Variants in SLC4A10 observed in about 807,000 individuals in gnomAD.
The protein encoded by SLC4A10 is solute carrier family 4 member 10.
In SLC4A10, 42 loss-of-function variants were observed where a neutral mutation model predicts 137.7. The observed-to-expected ratio is 0.30, with a 90% CI of 0.24 to 0.39. SLC4A10 has a LOEUF of 0.39. SLC4A10 is among the 10% of genes least tolerant of loss of function. The probability of loss-of-function intolerance (pLI) is 1.00; values close to 1 mark genes in which losing one functional copy is unlikely to be tolerated. For synonymous variants in SLC4A10, 474 were observed against 464.1 expected (o/e 1.02, Z -0.27); for missense variants, 925 against 1,355.0 (o/e 0.68, Z 4.98).
At chr2:161,791,610 G>A (rs1033856639) in intron 2 of SLC4A10, among the ~76,000 whole-genome samples, 1 of 152,152 alleles carries the variant, frequency 6.6e-6, no homozygotes, top group African/African-American at 2.4e-5. Flanking sequence ...TATTGCCCTT[G>A]TACATCTGAA....
At chr2:161,907,749 T>G (rs1684792655) in intron 15 of SLC4A10, among the ~76,000 whole-genome samples, 1 of 152,218 alleles carries the variant, frequency 6.6e-6, no homozygotes, top group Non-Finnish European at 1.5e-5. Context: ...CAGGACTAGA[T>G]GCAAGAGATG....
intron 15 of SLC4A10, among the ~76,000 whole-genome samples, chr2:161,906,751 A>T (rs571644728): frequency 1.4e-4 from 22 of 152,284 alleles, no homozygotes; most frequent in African/African-American, 5.3e-4. Context: ...CAGAAGTTTA[A>T]ATTGTTGAAA....
At chr2:161,972,776 A>G (rs1019517242) in intron 23 of SLC4A10, among the ~76,000 whole-genome samples, 2 of 152,338 alleles carry the variant, frequency 1.3e-5, no homozygotes, top group Middle Eastern at 3.4e-3. Flanking sequence ...TAGGGTGGGC[A>G]CAGAGATTCT....
intron 1 of SLC4A10, among the ~76,000 whole-genome samples, chr2:161,747,366 CA>C (rs2125282493): frequency 6.6e-6 from 1 of 152,240 alleles, no homozygotes; most frequent in Admixed American, 6.5e-5. Context: ...CAAAGTCCCA[CA>C]ATCACTTTTC....
At chr2:161,689,219 G>A (rs1044773386) in intron 1 of SLC4A10, among the ~76,000 whole-genome samples, 1 of 152,028 alleles carries the variant, frequency 6.6e-6, no homozygotes, top group African/African-American at 2.4e-5. Context: ...TAAGTGTATC[G>A]TACGGTGTTT....
At chr2:161,859,913 A>G (rs1186202692) in intron 5 of SLC4A10, among the ~76,000 whole-genome samples, 1 of 151,980 alleles carries the variant, frequency 6.6e-6, no homozygotes, top group Non-Finnish European at 1.5e-5. Context: ...TATCACCCAG[A>G]TCCTGGGGCA....
intron 1 of SLC4A10, among the ~76,000 whole-genome samples, chr2:161,688,801 T>G (rs1355522360): frequency 1.3e-5 from 2 of 152,164 alleles, no homozygotes; most frequent in East Asian, 3.9e-4. Flanking sequence ...CGATTTTCTA[T>G]TATGGTCATG....
intron 1 of SLC4A10, among the ~76,000 whole-genome samples, chr2:161,643,430 G>T (rs951443700): frequency 1.3e-5 from 2 of 152,048 alleles, no homozygotes; most frequent in African/African-American, 4.8e-5. Flanking sequence ...GCCAATAAAT[G>T]CTTAGTATTT....
intron 1 of SLC4A10, among the ~76,000 whole-genome samples, chr2:161,742,843 T>C (rs1388602294): frequency 6.6e-6 from 1 of 152,224 alleles, no homozygotes; most frequent in Non-Finnish European, 1.5e-5. Context: ...TACTTTTGGT[T>C]TGCATTTGCA....
chr2:161,627,387 G>T (rs2032616797), intron 1 of SLC4A10, among the ~76,000 whole-genome samples: 1 of 152,046 alleles, frequency 6.6e-6, no homozygotes, highest in African/African-American at 2.4e-5. Context: ...AATTGGACAG[G>T]CATTAAAAGC....
chr2:161,873,920 T>G lies in SLC4A10; in HGVS notation c.863T>G (p.Leu288Arg). ...GTCTGTTAATTATGCGTGCAGGGACTGGGAGGCCAACAAAAGGGGCATACT... is the reference window on the plus strand; with the variant it reads ...GTCTGTTAATTATGCGTGCAGGGACGGGGAGGCCAACAAAAGGGGCATACT... ...ENSTVDFSKG[L>R]GGQQKGHTSP... Residue 288 changes from leucine to arginine, a missense_variant, in exon 8 of 27, where the codon CTG becomes CGG. Transcript: ENST00000446997. 1 of 1,593,334 alleles carries G rather than the reference T, an allele frequency of 6.3e-7. No individual in the cohort carries two copies. Among genetic ancestry groups the G allele is most frequent in the Non-Finnish European group, 8.5e-7 (1 of 1,177,484 alleles).
chr2:161,767,094 C>CATATATATATATAT (rs770704286), intron 1 of SLC4A10, among the ~76,000 whole-genome samples: 1 of 40,122 alleles, frequency 2.5e-5, no homozygotes, highest in Non-Finnish European at 5.1e-5. Flanking sequence ...AATTAAGAAG[C>CATATATATATATAT]ATATATATAT....
At chr2:161,859,923 A>T (rs1242395502) in intron 5 of SLC4A10, among the ~76,000 whole-genome samples, 1 of 152,192 alleles carries the variant, frequency 6.6e-6, no homozygotes, top group Non-Finnish European at 1.5e-5. Context: ...ATCCTGGGGC[A>T]GAATAGACTG....
At chr2:161,790,311 C>T (rs2054063218) in intron 2 of SLC4A10, among the ~76,000 whole-genome samples, 1 of 152,092 alleles carries the variant, frequency 6.6e-6, no homozygotes. Context: ...TTATTATAGC[C>T]TCATGTTCTC....
intron 2 of SLC4A10, among the ~76,000 whole-genome samples, chr2:161,794,278 G>A (rs1373498544): frequency 2.0e-5 from 3 of 151,964 alleles, no homozygotes; most frequent in Admixed American, 6.6e-5. Context: ...AAAGTAACTC[G>A]CCAATAAATA....
At chr2:161,639,352 A>C (rs1432157448) in intron 1 of SLC4A10, among the ~76,000 whole-genome samples, 1 of 152,148 alleles carries the variant, frequency 6.6e-6, no homozygotes, top group Non-Finnish European at 1.5e-5. Context: ...AATATCCCTG[A>C]TGAACATATA....
At chr2:161,677,891 T>C (rs1035760600) in intron 1 of SLC4A10, among the ~76,000 whole-genome samples, 3 of 152,124 alleles carry the variant, frequency 2.0e-5, no homozygotes, top group African/African-American at 7.2e-5. Flanking sequence ...GGCAGTACAA[T>C]GTTACTTTAG....
intron 15 of SLC4A10, among the ~76,000 whole-genome samples, chr2:161,915,751 G>A (rs924230899): frequency 1.3e-5 from 2 of 152,306 alleles, no homozygotes; most frequent in South Asian, 2.1e-4. Flanking sequence ...TGCAAGGGTT[G>A]AGCAGGGTGG....
At chr2:161,787,216 T>G (rs1050468054) in intron 2 of SLC4A10, among the ~76,000 whole-genome samples, 1 of 152,132 alleles carries the variant, frequency 6.6e-6, no homozygotes, top group African/African-American at 2.4e-5. Context: ...GGGCTATAAT[T>G]TTTTGTCCTC....
Sources: allele counts gnomAD v4.1 joint callset (sites outside exome capture counted in the v4.1 genomes callset), GRCh38; gene constraint gnomAD v4.1.1; transcripts MANE v1.5; gene names NCBI Gene and HGNC (gene_info 2026-07-23, HGNC 2026-07-21).